Variants in ADAMTSL1 observed in about 807,000 individuals in gnomAD.
ADAMTSL1 encodes the protein ADAMTS like 1.
A neutral mutation model predicts 201.8 loss-of-function variants in ADAMTSL1; 126 were observed. The ratio of observed to expected loss-of-function variants is 0.62; its 90% CI spans 0.54 to 0.72. The LOEUF is 0.72. Ranked by LOEUF, ADAMTSL1 falls within the 30% of genes least tolerant of loss-of-function variation. ADAMTSL1 has a pLI of 0.00. For missense variants in ADAMTSL1, 2,679 were observed against 2,277.8 expected (o/e 1.18, Z -3.59); for synonymous variants, 1,121 against 903.4 (o/e 1.24, Z -4.32).
In ADAMTSL1 at chr9:18,242,185, G is replaced by A. The variant is rs890468764; in HGVS notation, c.207+78204G>A. Reference sequence around the variant, plus strand: ...TCATGAACAAATGGGATTCATCCCTGACATGCAAGGCTGGTTTAACATATG... The same window carrying A: ...TCATGAACAAATGGGATTCATCCCTAACATGCAAGGCTGGTTTAACATATG... On this transcript the variant is annotated intron_variant, in intron 2 of 29. Transcript: ENST00000680146. Among the ~76,000 whole-genome samples the A allele has an allele frequency of 2.0e-5, 3 of 152,258 alleles. No individual in the cohort carries two copies. The East Asian group carries it at 5.8e-4, about 29-fold the overall frequency.
chr9:18,274,273 T>C (rs1832500544), intron 2 of ADAMTSL1, among the ~76,000 whole-genome samples: 1 of 152,236 alleles, frequency 6.6e-6, no homozygotes, highest in African/African-American at 2.4e-5. Flanking sequence ...TAGTGCTCTT[T>C]CTTCTTGCAT....
chr9:18,811,320 G>A (rs564103528), intron 20 of ADAMTSL1, among the ~76,000 whole-genome samples: 2 of 152,316 alleles, frequency 1.3e-5, no homozygotes, highest in East Asian at 3.9e-4. Context: ...CACATGGGGA[G>A]CCTGGAGTTC....
chr9:18,564,937 C>G (rs1398323328), intron 3 of ADAMTSL1, among the ~76,000 whole-genome samples: 1 of 152,164 alleles, frequency 6.6e-6, no homozygotes, highest in Non-Finnish European at 1.5e-5. Flanking sequence ...CTCTAGGGAA[C>G]TGGATTCCAA....
rs192951601 is a variant in ADAMTSL1 at position 18,059,902 on chromosome 9, A to G, written c.88-103960A>G. Among the ~76,000 whole-genome samples, 13 of 152,078 alleles carry G rather than the reference A, an allele frequency of 8.5e-5. 1 individual carries two copies. The highest frequency in any genetic ancestry group is 2.0e-4 in the Admixed American group (3 of 15,274). On this transcript the variant is annotated intron_variant, in intron 1 of 29. Coordinates refer to the ADAMTSL1 transcript ENST00000680146. ...TTTATGTGCATTTTTGTTTCTGTTG[A>G]CTCAAAAGTCCTTAACAAAGTTTTC...
chr9:18,722,884 C>T, intron 15 of ADAMTSL1: 2 of 687,626 alleles, frequency 2.9e-6, no homozygotes, highest in Non-Finnish European at 5.4e-6. Context: ...TCCTGAGTAA[C>T]CTCGTTTTCT....
chr9:18,586,996 T>C (rs774157503), intron 4 of ADAMTSL1, among the ~76,000 whole-genome samples: 1 of 150,500 alleles, frequency 6.6e-6, no homozygotes, highest in Non-Finnish European at 1.5e-5. Context: ...AAAAAAAAAC[T>C]GTGGAAGACA....
chr9:18,298,880 G>A (rs367650965), intron 2 of ADAMTSL1, among the ~76,000 whole-genome samples: 276 of 151,902 alleles, frequency 1.8e-3, no homozygotes, highest in African/African-American at 6.5e-3. Context: ...TCGTGGTGGC[G>A]GGCGCCTGTA....
chr9:18,890,153 C>A (rs78009151), intron 25 of ADAMTSL1, among the ~76,000 whole-genome samples: 2 of 152,158 alleles, frequency 1.3e-5, no homozygotes, highest in Non-Finnish European at 2.9e-5. Context: ...TTCTGCCCAC[C>A]CTCCAAGTCT....
At chr9:18,266,075 C>A (rs1832107651) in intron 2 of ADAMTSL1, among the ~76,000 whole-genome samples, 1 of 152,132 alleles carries the variant, frequency 6.6e-6, no homozygotes, top group Non-Finnish European at 1.5e-5. Context: ...ATAAAGACCA[C>A]TCTGGCTTAT....
intron 28 of ADAMTSL1, 112 bp downstream of exon 28, chr9:18,907,024 G>C (rs751098187): frequency 3.2e-6 from 4 of 1,240,730 alleles, no homozygotes; most frequent in Non-Finnish European, 4.5e-6. Flanking sequence ...CTTCCCCAGG[G>C]ATTGTGAGCT....
At chr9:18,297,930 T>G (rs1254073738) in intron 2 of ADAMTSL1, among the ~76,000 whole-genome samples, 1 of 152,222 alleles carries the variant, frequency 6.6e-6, no homozygotes, top group Non-Finnish European at 1.5e-5. Flanking sequence ...GATGCTATTG[T>G]TTTATTGGCA....
In ADAMTSL1 at chr9:17,910,278, T is replaced by C. The variant is rs1323340973; in HGVS notation, c.87+3356T>C. Among the ~76,000 whole-genome samples the C allele has an allele frequency of 2.9e-5, 2 of 69,232 alleles. 1 individual carries two copies. Among genetic ancestry groups the C allele is most frequent in the Non-Finnish European group, 8.9e-5 (2 of 22,590 alleles). The allele number at this position is 69,232 out of a possible 152,430, so 45.4% of individuals were successfully genotyped here. Reference sequence around the variant, plus strand: ...TTAAATATCCACAAGGTAGAAATTCTACCTTATCATTGATAATTTGCTACA... The same window carrying C: ...TTAAATATCCACAAGGTAGAAATTCCACCTTATCATTGATAATTTGCTACA... On this transcript the variant is annotated intron_variant, in intron 1 of 29. Coordinates refer to the ADAMTSL1 transcript ENST00000680146.
intron 1 of ADAMTSL1, among the ~76,000 whole-genome samples, chr9:17,943,478 G>A (rs1019216702): frequency 9.2e-5 from 14 of 152,140 alleles, no homozygotes; most frequent in Admixed American, 4.6e-4. Context: ...AATCTTTCCC[G>A]AACCTTGTGG....
chr9:18,110,080 C>T (rs565746428), intron 1 of ADAMTSL1, among the ~76,000 whole-genome samples: 88 of 152,246 alleles, frequency 5.8e-4, no homozygotes, highest in African/African-American at 2.0e-3. Context: ...CTTCTAGATG[C>T]CTTTTCTTTC....
intron 20 of ADAMTSL1, among the ~76,000 whole-genome samples, chr9:18,805,057 T>C (rs1325116393): frequency 2.0e-5 from 3 of 152,248 alleles, no homozygotes; most frequent in Non-Finnish European, 4.4e-5. Context: ...AAACTGATAT[T>C]TGGATCTTCC....
At chr9:18,840,311 G>C (rs1203793076) in intron 23 of ADAMTSL1, among the ~76,000 whole-genome samples, 2 of 150,406 alleles carry the variant, frequency 1.3e-5, no homozygotes, top group Admixed American at 6.6e-5. Flanking sequence ...CCCATTGCTT[G>C]TTTTTCTCAG....
intron 5 of ADAMTSL1, chr9:18,622,697 GT>G: frequency 2.2e-6 from 1 of 458,562 alleles, no homozygotes; most frequent in East Asian, 3.4e-5. Flanking sequence ...GATGTGTAGT[GT>G]GCTATGCCTG....
intron 1 of ADAMTSL1, among the ~76,000 whole-genome samples, chr9:18,151,661 C>T (rs1235491349): frequency 6.6e-6 from 1 of 152,008 alleles, no homozygotes; most frequent in Non-Finnish European, 1.5e-5. Context: ...TAGGTTAGGG[C>T]CCCTGGCCTT....
chr9:18,906,984 AC>A (rs1211531499), intron 28 of ADAMTSL1, 72 bp downstream of exon 28: 1 of 1,556,900 alleles, frequency 6.4e-7, no homozygotes, highest in African/African-American at 1.4e-5. Flanking sequence ...AGTCCCTGGG[AC>A]CGACCCTGAG....
Sources: gnomAD v4.1 joint callset for allele counts (sites outside exome capture counted in the v4.1 genomes callset) on GRCh38, gnomAD v4.1.1 for gene constraint, MANE v1.5 for transcripts, NCBI Gene and HGNC (gene_info 2026-07-23, HGNC 2026-07-21) for gene names.